Variants in B3GALT1 observed in about 807,000 individuals in gnomAD.
B3GALT1 encodes the protein UDP-Gal:betaGlcNAc beta 1,3-galactosyltransferase, polypeptide 1.
In B3GALT1, 10 loss-of-function variants were observed where a neutral mutation model predicts 23.2. The observed-to-expected ratio is 0.43, with a 90% confidence interval of 0.27 to 0.73. The LOEUF (loss-of-function observed/expected upper bound fraction) is 0.73. Ranked by LOEUF, B3GALT1 falls within the 30% of genes least tolerant of loss-of-function variation. The pLI is 0.21. For missense variants in B3GALT1, 299 were observed against 405.4 expected, an observed-to-expected ratio of 0.74 and a Z score of 2.25; for synonymous variants, 156 against 141.5, an observed-to-expected ratio of 1.10 and a Z score of -0.73.
At chr2:167,579,430 G>GTTTTTTTTTTTTTTT (rs1553469287) in intron 2 of B3GALT1, among the ~76,000 whole-genome samples, 2 of 63,624 alleles carry the variant, frequency 3.1e-5, no homozygotes, top group Non-Finnish European at 5.1e-5. Flanking sequence ...GTTTTTTTTT[G>GTTTTTTTTTTTTTTT]TCTTTTTTTT....
chr2:167,697,621 G>GC (rs1446150539), intron 3 of B3GALT1, among the ~76,000 whole-genome samples: 1 of 152,166 alleles, frequency 6.6e-6, no homozygotes, highest in Non-Finnish European at 1.5e-5. Flanking sequence ...CTTAATTTCT[G>GC]CCCTCTAGGA....
intron 3 of B3GALT1, among the ~76,000 whole-genome samples, chr2:167,790,351 C>T (rs1328009719): frequency 6.6e-6 from 1 of 152,228 alleles, no homozygotes; most frequent in East Asian, 1.9e-4. Flanking sequence ...TGGTAATCTA[C>T]ATCTGCTGGC....
intron 2 of B3GALT1, among the ~76,000 whole-genome samples, chr2:167,564,962 T>C (rs1402531378): frequency 2.0e-5 from 3 of 152,186 alleles, no homozygotes; most frequent in Admixed American, 6.5e-5. Flanking sequence ...ATGCCATCCC[T>C]ATCAAGCTAC....
rs201524605 is a variant in B3GALT1, at chr2:167,426,718, TAC to T, written c.-510-63455_-510-63454del. ...AATGGCCTATGTAACCTGACAAATT[TAC>T]ACAGTTAGGCAGTGACAGAGCTCTC... On this transcript the variant is annotated intron_variant, in intron 1 of 4. Transcript: ENST00000392690. 4.9e-3 allele frequency among the ~76,000 whole-genome samples: 745 copies of T among 152,310 alleles called. 6 individuals are homozygous for T. The highest frequency in any genetic ancestry group is 0.018 in the East Asian group (93 of 5,188).
At chr2:167,696,585 C>G (rs1686795392) in intron 3 of B3GALT1, among the ~76,000 whole-genome samples, 1 of 152,150 alleles carries the variant, frequency 6.6e-6, no homozygotes, top group Non-Finnish European at 1.5e-5. Flanking sequence ...CAATTAAGAA[C>G]AGACATGATA....
intron 3 of B3GALT1, among the ~76,000 whole-genome samples, chr2:167,726,240 G>T (rs187362620): frequency 6.6e-6 from 1 of 152,268 alleles, no homozygotes; most frequent in African/African-American, 2.4e-5. Context: ...GTCTTGCTAT[G>T]ACTAGTTTTT....
chr2:167,404,847 A>T (rs116769239), intron 1 of B3GALT1, among the ~76,000 whole-genome samples: 65 of 152,258 alleles, frequency 4.3e-4, no homozygotes, highest in African/African-American at 1.4e-3. Flanking sequence ...GATAATTAGG[A>T]TGCTTGTTTA....
chr2:167,702,909 A>G (rs547287627), intron 3 of B3GALT1, among the ~76,000 whole-genome samples: 1 of 152,344 alleles, frequency 6.6e-6, no homozygotes, highest in Admixed American at 6.5e-5. Context: ...AGCTTTAAGC[A>G]TCTTGTGGCT....
intron 3 of B3GALT1, among the ~76,000 whole-genome samples, chr2:167,775,354 A>G (rs1259953874): frequency 6.6e-6 from 1 of 152,138 alleles, no homozygotes; most frequent in African/African-American, 2.4e-5. Context: ...GTGGATCACG[A>G]GGTCAGGAGT....
intron 3 of B3GALT1, among the ~76,000 whole-genome samples, chr2:167,786,524 A>G (rs993662745): frequency 6.6e-6 from 1 of 152,190 alleles, no homozygotes; most frequent in African/African-American, 2.4e-5. Context: ...CTATGCTATA[A>G]TAATGATTTT....
At chr2:167,677,699 T>C (rs1686451711) in intron 3 of B3GALT1, among the ~76,000 whole-genome samples, 1 of 152,126 alleles carries the variant, frequency 6.6e-6, no homozygotes, top group Admixed American at 6.5e-5. Flanking sequence ...CCCTCTACCC[T>C]GGACCCCGTG....
chr2:167,470,303 T>A (rs1345858159), intron 1 of B3GALT1, among the ~76,000 whole-genome samples: 1 of 152,204 alleles, frequency 6.6e-6, no homozygotes, highest in Non-Finnish European at 1.5e-5. Context: ...AAAAATCTGT[T>A]AACTCATTTT....
At chr2:167,431,166 A>G (rs1698699809) in intron 1 of B3GALT1, among the ~76,000 whole-genome samples, 1 of 152,228 alleles carries the variant, frequency 6.6e-6, no homozygotes, top group African/African-American at 2.4e-5. Context: ...TTGAATAATC[A>G]TCCGACCTTC....
chr2:167,656,763 G>A (rs1205539244), intron 3 of B3GALT1, among the ~76,000 whole-genome samples: 1 of 152,142 alleles, frequency 6.6e-6, no homozygotes, highest in African/African-American at 2.4e-5. Context: ...TACCAAATTG[G>A]ACCATATTCC....
At chr2:167,830,722 C>T (rs941673652) in intron 4 of B3GALT1, among the ~76,000 whole-genome samples, 6 of 152,202 alleles carry the variant, frequency 3.9e-5, no homozygotes, top group Non-Finnish European at 8.8e-5. Context: ...TTCCTTAACC[C>T]GTGTTTTCAC....
intron 1 of B3GALT1, among the ~76,000 whole-genome samples, chr2:167,327,831 C>T (rs1696918146): frequency 1.3e-5 from 2 of 152,078 alleles, no homozygotes; most frequent in Admixed American, 1.3e-4. Context: ...CAAATTTTCC[C>T]CATTCAGAAT....
At chr2:167,548,309 G>A (rs1188334904) in intron 2 of B3GALT1, among the ~76,000 whole-genome samples, 1 of 152,144 alleles carries the variant, frequency 6.6e-6, no homozygotes, top group Admixed American at 6.6e-5. Flanking sequence ...GCTTACCAGT[G>A]ACTTCCCAAC....
chr2:167,552,192 A>T (rs969869263), intron 2 of B3GALT1, among the ~76,000 whole-genome samples: 1 of 152,050 alleles, frequency 6.6e-6, no homozygotes, highest in Non-Finnish European at 1.5e-5. Flanking sequence ...CACATCTTCG[A>T]CCCTGCATTG....
At chr2:167,708,461 G>A (rs1686997582) in intron 3 of B3GALT1, among the ~76,000 whole-genome samples, 1 of 152,120 alleles carries the variant, frequency 6.6e-6, no homozygotes, top group Non-Finnish European at 1.5e-5. Flanking sequence ...GGGAGTTCAA[G>A]ACCAGCCTGA....
Sources: allele counts gnomAD v4.1 joint callset (sites outside exome capture counted in the v4.1 genomes callset), GRCh38; gene constraint gnomAD v4.1.1; transcripts MANE v1.5; gene names NCBI Gene and HGNC (gene_info 2026-07-23, HGNC 2026-07-21).